Variants in PTPDC1 observed in about 807,000 individuals in gnomAD.
The protein encoded by PTPDC1 is protein tyrosine phosphatase domain-containing protein 1.
In PTPDC1, 53 loss-of-function variants were observed where a neutral mutation model predicts 75.3. That is an observed-to-expected ratio of 0.70 (90% CI 0.56 to 0.88). PTPDC1 has a LOEUF of 0.88. Ranked by LOEUF, PTPDC1 falls within the 40% of genes least tolerant of loss-of-function variation. The pLI is 0.00. For synonymous variants in PTPDC1, 349 were observed against 366.2 expected (o/e 0.95, Z 0.54); for missense variants, 925 against 998.6 (o/e 0.93, Z 0.99).
chr9:94,041,869 CT>C (rs1333470253), intron 1 of PTPDC1, among the ~76,000 whole-genome samples: 1 of 152,186 alleles, frequency 6.6e-6, no homozygotes, highest in East Asian at 1.9e-4. Context: ...CAGATTTGCT[CT>C]GATATGCTCA....
upstream of PTPDC1, among the ~76,000 whole-genome samples, chr9:94,082,304 A>C (rs569560483): frequency 3.9e-5 from 6 of 152,324 alleles, no homozygotes; most frequent in African/African-American, 1.4e-4. Flanking sequence ...CCCACCAGGC[A>C]CCCACTGCAT....
Position 94,097,582 on chromosome 9 carries a change from T to G in PTPDC1, c.1016T>G (p.Val339Gly). 6.2e-7 allele frequency: 1 copy of G among 1,614,004 alleles called. No homozygotes were observed. Among genetic ancestry groups the G allele is most frequent in the Non-Finnish European group, 8.5e-7 (1 of 1,180,040 alleles). Reference sequence around the variant, plus strand: ...TATGAGGCACGACTTCTGAAACACGTGCCAAAAATTATCCACCTAGTTTGC... The same window carrying G: ...TATGAGGCACGACTTCTGAAACACGGGCCAAAAATTATCCACCTAGTTTGC... ...HGYEARLLKHVPKIIHLVCKL... is the reference protein window; with the variant it reads ...HGYEARLLKHGPKIIHLVCKL... The change falls in exon 6 of 9, where the codon GTG becomes GGG. Residue 339 changes from valine (V) to glycine (G), a missense_variant. Val to Gly is a moderately radical substitution (Grantham distance 109). Coordinates refer to ENST00000620992, the MANE Select transcript of PTPDC1 (RefSeq NM_001253829.2).
chr9:94,081,557 T>C (rs536328885), upstream of PTPDC1, among the ~76,000 whole-genome samples: 1 of 152,118 alleles, frequency 6.6e-6, no homozygotes, highest in East Asian at 1.9e-4. Flanking sequence ...AAAACTAAAG[T>C]GTTCGATTGT....
chr9:94,050,370 G>T (rs981692301), intron 1 of PTPDC1, among the ~76,000 whole-genome samples: 1 of 152,112 alleles, frequency 6.6e-6, no homozygotes, highest in Non-Finnish European at 1.5e-5. Context: ...CTTTGATGTT[G>T]GTGACGTACA....
At chr9:94,045,506 T>C (rs886373170) in intron 1 of PTPDC1, among the ~76,000 whole-genome samples, 6 of 152,116 alleles carry the variant, frequency 3.9e-5, no homozygotes, top group African/African-American at 1.4e-4. Flanking sequence ...CCAGCACCTG[T>C]TGTTTCCTGA....
At chr9:94,067,726 C>T (rs930266184) in intron 2 of PTPDC1, among the ~76,000 whole-genome samples, 4 of 152,020 alleles carry the variant, frequency 2.6e-5, no homozygotes, top group Non-Finnish European at 4.4e-5. Context: ...TTCAGCCTCC[C>T]GAGTAGCTGG....
intron 7 of PTPDC1, among the ~76,000 whole-genome samples, chr9:94,102,673 G>A (rs941655752): frequency 1.2e-4 from 19 of 152,072 alleles, no homozygotes; most frequent in African/African-American, 4.6e-4. Flanking sequence ...TCTGCCCCCC[G>A]GGTTCAAGCG....
At position 94,085,339 on chromosome 9, in the gene PTPDC1, G is replaced by C. The variant is rs149606330; in HGVS notation, c.333G>C (p.Ala111=). The C allele has an allele frequency of 2.5e-6, 4 of 1,614,166 alleles. No individual in the cohort carries two copies. Among genetic ancestry groups the C allele is most frequent in the Admixed American group, 3.3e-5 (2 of 60,032 alleles). The change falls in exon 2 of 9, where the codon GCG becomes GCC. Residue 111 remains alanine (A), a synonymous_variant. Transcript: ENST00000620992. The part of the protein sequence containing the change: ...VIPGHMACSM[A]CGGRACKYEN... ...CTGGACACATGGCATGTTCCATGGCGTGTGGCGGTAGAGCTTGCAAGTATG... is the reference window on the plus strand; with the variant it reads ...CTGGACACATGGCATGTTCCATGGCCTGTGGCGGTAGAGCTTGCAAGTATG...
At chr9:94,068,887 A>G (rs1826413850) in intron 2 of PTPDC1, among the ~76,000 whole-genome samples, 2 of 152,188 alleles carry the variant, frequency 1.3e-5, no homozygotes, top group South Asian at 4.1e-4. Flanking sequence ...TATTTTGTTC[A>G]GTGGATTGTA....
chr9:94,050,849 A>G (rs1825766053), intron 1 of PTPDC1, among the ~76,000 whole-genome samples: 1 of 152,202 alleles, frequency 6.6e-6, no homozygotes, highest in Non-Finnish European at 1.5e-5. Context: ...CTTGAGCTGC[A>G]CTGGGCTCCA....
Position 94,062,525 on chromosome 9 carries a change from T to G in PTPDC1, c.-6-2209T>G, listed in dbSNP as rs1826174441. The stretch of plus-strand genomic sequence containing the variant: ...GGGTAATTTCTAAAGAAAAGAGGTC[T>G]GATTGCCTCATGGTTCTGCAGGCTG... On this transcript the variant is annotated intron_variant, in intron 1 of 9. Transcript: ENST00000375360. Among the ~76,000 whole-genome samples the G allele has an allele frequency of 2.6e-5, 4 of 152,326 alleles. No homozygotes were observed. In the South Asian group the frequency reaches 6.2e-4, roughly 24 times the overall value.
chr9:94,093,058 T>C (rs1301415841), intron 4 of PTPDC1, among the ~76,000 whole-genome samples: 1 of 152,156 alleles, frequency 6.6e-6, no homozygotes, highest in Non-Finnish European at 1.5e-5. Flanking sequence ...TCTGTGTCTT[T>C]TAATTGGAGC....
intron 1 of PTPDC1, among the ~76,000 whole-genome samples, chr9:94,044,690 G>A (rs529734926): frequency 1.8e-4 from 27 of 151,650 alleles, no homozygotes; most frequent in Middle Eastern, 3.4e-3. Context: ...TGTGAATAAA[G>A]AGAGCTTTCT....
intron 2 of PTPDC1, among the ~76,000 whole-genome samples, chr9:94,065,576 G>C (rs1340146164): frequency 6.6e-6 from 1 of 152,220 alleles, no homozygotes; most frequent in South Asian, 2.1e-4. Context: ...TTCAACACTT[G>C]CTAGGAACAA....
intron 4 of PTPDC1, 38 bp downstream of exon 4, chr9:94,088,301 G>A: frequency 1.2e-6 from 2 of 1,601,116 alleles, no homozygotes; most frequent in Non-Finnish European, 8.5e-7. Context: ...AATTATCAAG[G>A]GCAGCACTCA....
intron 2 of PTPDC1, among the ~76,000 whole-genome samples, chr9:94,069,293 G>A (rs867010516): frequency 6.6e-5 from 10 of 152,038 alleles, no homozygotes; most frequent in African/African-American, 9.6e-5. Flanking sequence ...TCCCACCCCC[G>A]GTATACCAAA....
At chr9:94,053,332 C>G (rs1194673345) in intron 1 of PTPDC1, among the ~76,000 whole-genome samples, 2 of 151,072 alleles carry the variant, frequency 1.3e-5, no homozygotes, top group African/African-American at 2.4e-5. Context: ...TTAATGTTGC[C>G]TGGCTTCCTC....
At chr9:94,094,218 A>G (rs1040219310) in intron 4 of PTPDC1, among the ~76,000 whole-genome samples, 8 of 151,646 alleles carry the variant, frequency 5.3e-5, no homozygotes, top group African/African-American at 1.9e-4. Flanking sequence ...GGTTTTATCT[A>G]CTTTTGGTCT....
chr9:94,085,794 G>A (rs555129400), intron 2 of PTPDC1, among the ~76,000 whole-genome samples: 1 of 152,144 alleles, frequency 6.6e-6, no homozygotes, highest in Non-Finnish European at 1.5e-5. Context: ...TCAGTTTCAT[G>A]TAGGTAAGCT....
Sources: allele counts gnomAD v4.1 joint callset (sites outside exome capture counted in the v4.1 genomes callset), GRCh38; gene constraint gnomAD v4.1.1; transcripts MANE v1.5; gene names NCBI Gene and HGNC (gene_info 2026-07-23, HGNC 2026-07-21).